SUPT6H: variants seen among roughly 807,000 people sequenced by gnomAD.
SUPT6H encodes transcription elongation factor SPT6.
SUPT6H carries 11 observed loss-of-function variants against 222.3 expected under a neutral mutation model. The observed-to-expected ratio is 0.05, with a 90% CI of 0.03 to 0.08. The LOEUF is 0.08. Ranked by LOEUF, SUPT6H falls within the 10% of genes least tolerant of loss-of-function variation. SUPT6H has a pLI of 1.00. For synonymous variants in SUPT6H, 762 were observed against 801.2 expected, an observed-to-expected ratio of 0.95 and a Z score of 0.83; for missense variants, 1,422 against 2,216.0, an observed-to-expected ratio of 0.64 and a Z score of 7.19.
chr17:28,687,119 G>A lies in SUPT6H; in HGVS notation c.2732G>A (p.Arg911Lys). 3 of 1,613,812 alleles carry A rather than the reference G, an allele frequency of 1.9e-6. No homozygotes were observed. Among genetic ancestry groups the A allele is most frequent in the Non-Finnish European group, 2.5e-6 (3 of 1,180,026 alleles). Residue 911 changes from arginine (R) to lysine (K), a missense_variant, in exon 22 of 37, where the codon AGA becomes AAA. Arg to Lys is a conservative substitution (Grantham distance 26). Coordinates refer to ENST00000314616, the MANE Select transcript of SUPT6H (RefSeq NM_003170.5). ...AEFRDYPPVL[R>K]QAVSLARRIQ... ...TTCCGGGATTATCCTCCAGTGCTGA[G>A]ACAGGCCGTCTCCCTGGCCCGGCGC...
chr17:28,666,391 G>A (rs1285179714), intron 1 of SUPT6H, among the ~76,000 whole-genome samples: 2 of 152,188 alleles, frequency 1.3e-5, no homozygotes, highest in Non-Finnish European at 2.9e-5. Flanking sequence ...CTGTGCTAGA[G>A]CAGGAACTAT....
intron 32 of SUPT6H, among the ~76,000 whole-genome samples, chr17:28,699,162 C>T (rs905540729): frequency 6.6e-6 from 1 of 152,168 alleles, no homozygotes; most frequent in Non-Finnish European, 1.5e-5. Context: ...CATTGTGGAA[C>T]GTGCTCTGTG....
intron 5 of SUPT6H, 97 bp from the exon 6 acceptor site, chr17:28,675,304 C>A: frequency 6.7e-7 from 1 of 1,492,472 alleles, no homozygotes; most frequent in Non-Finnish European, 9.3e-7. Flanking sequence ...CTTCCCTTCT[C>A]TGTTGCTCAC....
Position 28,689,241 on chromosome 17 carries a change from CCA to C in SUPT6H, c.3135-112_3135-111del. The stretch of plus-strand genomic sequence containing the variant: ...TTCTTGTTAATGGCTGTATAGTATT[CCA>C]TTGTATGGAGGTGCCCTAATTTATT... On this transcript the variant is annotated intron_variant, in intron 24 of 36. Transcript: ENST00000314616. The C allele has an allele frequency of 4.4e-6, 4 of 905,116 alleles. No individual in the cohort carries two copies. In the South Asian group the frequency reaches 6.3e-5, roughly 14 times the overall value. 56.1% of individuals were successfully genotyped at this position (905,116 alleles called of 1,614,324 possible). A position where few individuals can be genotyped will look rare whatever the true frequency, so the allele number is the denominator to read the frequency against.
At chr17:28,675,613 A>T in intron 6 of SUPT6H, 128 bp downstream of exon 6, 1 of 897,346 alleles carries the variant, frequency 1.1e-6, no homozygotes, top group South Asian at 1.5e-5. Context: ...CCCTGCCTCA[A>T]ATAACCTCTA....
In SUPT6H at chr17:28,693,809, G is replaced by C. The variant is rs899023160; in HGVS notation, c.3747G>C (p.Val1249=). 1 of 1,614,174 alleles carries C rather than the reference G, an allele frequency of 6.2e-7. No individual in the cohort carries two copies. The highest frequency in any genetic ancestry group is 8.5e-7 in the Non-Finnish European group (1 of 1,180,022). Residue 1249 remains valine (V), a synonymous_variant, in exon 28 of 37, where the codon GTG becomes GTC. Transcript: ENST00000314616. ...CCACCAAATTCCTCAGTGACAAAGTGGTAAAGCGGCCAGAAGAACGAGTGA... is the reference window on the plus strand; with the variant it reads ...CCACCAAATTCCTCAGTGACAAAGTCGTAAAGCGGCCAGAAGAACGAGTGA... ...FIPTKFLSDK[V]VKRPEERVKV...
intron 20 of SUPT6H, 44 bp downstream of exon 20, chr17:28,686,459 A>G (rs762929529): frequency 1.3e-6 from 2 of 1,597,532 alleles, no homozygotes; most frequent in African/African-American, 1.3e-5. Context: ...CCGTGACCCA[A>G]CTCATCCCTT....
Position 28,697,051 on chromosome 17 carries a change from G to C in SUPT6H, c.4178G>C (p.Ser1393Thr). The C allele has an allele frequency of 6.2e-7, 1 of 1,614,056 alleles. No individual in the cohort carries two copies. The highest frequency in any genetic ancestry group is 1.7e-5 in the Admixed American group (1 of 60,008). ...GAGGAGGGCAAGGAAAATGCCTTCA[G>C]CCTGGGAGCCACTCTGTGGATCAAC... The part of the protein sequence containing the change: ...VREEGKENAF[S>T]LGATLWINSE... Residue 1393 changes from serine (S) to threonine (T), a missense_variant, in exon 30 of 37, where the codon AGC becomes ACC. Ser to Thr is a moderately conservative substitution (Grantham distance 58, BLOSUM62 1). Coordinates refer to ENST00000314616, the MANE Select transcript of SUPT6H (RefSeq NM_003170.5).
intron 12 of SUPT6H, 84 bp from the exon 13 acceptor site, chr17:28,681,798 C>CT: frequency 8.0e-7 from 1 of 1,246,528 alleles, no homozygotes; most frequent in Non-Finnish European, 1.1e-6. Flanking sequence ...GCTGGGTACC[C>CT]TTTGAGGCTT....
chr17:28,693,134 C>T (rs2151654718), intron 27 of SUPT6H, among the ~76,000 whole-genome samples: 1 of 152,140 alleles, frequency 6.6e-6, no homozygotes, highest in African/African-American at 2.4e-5. Context: ...TGCACCACTA[C>T]ACTTCAGCCT....
intron 19 of SUPT6H, 104 bp from the exon 20 acceptor site, chr17:28,686,235 C>A (rs1178779292): frequency 9.5e-7 from 1 of 1,057,474 alleles, no homozygotes; most frequent in African/African-American, 1.6e-5. Flanking sequence ...CAGATATCTT[C>A]TGAAGACTTC....
At chr17:28,682,249 T>C in intron 13 of SUPT6H, 1 of 401,442 alleles carries the variant, frequency 2.5e-6, no homozygotes, top group Non-Finnish European at 4.5e-6. Context: ...TCTTCTGCCT[T>C]ATAACAGCCC....
chr17:28,673,522 C>T lies in SUPT6H; in HGVS notation c.109+12C>T. 2 of 1,585,688 alleles carry T rather than the reference C, an allele frequency of 1.3e-6. No homozygotes were observed. Among genetic ancestry groups the T allele is most frequent in the South Asian group, 2.2e-5 (2 of 90,278 alleles). On this transcript the variant is annotated intron_variant, in intron 2 of 36. Coordinates refer to ENST00000314616, the MANE Select transcript of SUPT6H (RefSeq NM_003170.5). ...AGAGGAGGATGATGGTGAGGAGGCC[C>T]CAGCCTCAAGCTTCTCCCCACTATT...
chr17:28,666,112 C>T (rs1033432779), intron 1 of SUPT6H, among the ~76,000 whole-genome samples: 2 of 152,186 alleles, frequency 1.3e-5, no homozygotes, highest in African/African-American at 4.8e-5. Context: ...GACATCACTC[C>T]CCAAACCATC....
Position 28,695,175 on chromosome 17 carries a change from C to G in SUPT6H, c.3775-177C>G, listed in dbSNP as rs959312635. 5 of 634,986 alleles carry G rather than the reference C, an allele frequency of 7.9e-6. No homozygotes were observed. In the Admixed American group the frequency reaches 1.2e-4, roughly 15 times the overall value. 39.3% of individuals were successfully genotyped at this position (634,986 alleles called of 1,614,324 possible). A position where few individuals can be genotyped will look rare whatever the true frequency, so the allele number is the denominator to read the frequency against. On this transcript the variant is annotated intron_variant, in intron 28 of 36. Coordinates refer to ENST00000314616, the MANE Select transcript of SUPT6H (RefSeq NM_003170.5). ...ATTAGTGCAGGGCTTGGCCTGTAGT[C>G]TACAGACAAGATTCCACCCCAAACT... is the stretch of plus-strand genomic sequence containing the variant.
rs940049508 is a variant in SUPT6H, at chr17:28,701,845, C to G, written c.*220C>G. ...TCCCGCTCCAGACCCTCACCGACCA[C>G]CTGTCCTGGGACCAGGCTGGGAGGG... On this transcript the variant is annotated 3_prime_UTR_variant, in exon 37 of 37. Coordinates refer to ENST00000314616, the MANE Select transcript of SUPT6H (RefSeq NM_003170.5). 2.0e-5 allele frequency: 11 copies of G among 544,114 alleles called. No individual in the cohort carries two copies. The highest frequency in any genetic ancestry group is 3.6e-5 in the Non-Finnish European group (11 of 308,602). 33.7% of individuals were successfully genotyped at this position (544,114 alleles called of 1,614,324 possible).
intron 35 of SUPT6H, 152 bp from the exon 36 acceptor site, chr17:28,700,789 C>T: frequency 9.5e-7 from 1 of 1,048,514 alleles, no homozygotes; most frequent in Non-Finnish European, 1.4e-6. Flanking sequence ...CGGTGCTGAC[C>T]TGCAGGCTTC....
chr17:28,691,033 T>C lies in SUPT6H; in HGVS notation c.3603T>C (p.Cys1201=), dbSNP rs1458244318. 2 of 1,613,932 alleles carry C rather than the reference T, an allele frequency of 1.2e-6. No individual in the cohort carries two copies. Among genetic ancestry groups the C allele is most frequent in the East Asian group, 2.2e-5 (1 of 44,864 alleles). Reference sequence around the variant, plus strand: ...CAGGGCTGTGGCAGTGCCCCTTCTGTCAGCAGGACAATTTCCCTGAACTAA... The same window carrying C: ...CAGGGCTGTGGCAGTGCCCCTTCTGCCAGCAGGACAATTTCCCTGAACTAA... ...DETGLWQCPF[C]QQDNFPELSE... The change falls in exon 27 of 37, where the codon TGT becomes TGC. Residue 1201 remains cysteine, a synonymous_variant. Coordinates refer to ENST00000314616, the MANE Select transcript of SUPT6H (RefSeq NM_003170.5).
rs767163319 is a variant in SUPT6H at position 28,674,610 on chromosome 17, A to G, written c.342A>G (p.Arg114=). Residue 114 remains arginine, a synonymous_variant, in exon 4 of 37, where the codon AGA becomes AGG. Transcript: ENST00000314616. ...AGAATTTGGGTGTCAAAGTCAAAAG[A>G]GGAGTAAGTGTCATTCTTTGTCTTT... ...IEENLGVKVK[R]GQKYRRVKKM... 1.2e-6 allele frequency: 2 copies of G among 1,613,982 alleles called. No homozygotes were observed. The highest frequency in any genetic ancestry group is 1.7e-6 in the Non-Finnish European group (2 of 1,179,856).
Sources: gnomAD v4.1 joint callset for allele counts (sites outside exome capture counted in the v4.1 genomes callset) on GRCh38, gnomAD v4.1.1 for gene constraint, MANE v1.5 for transcripts, NCBI Gene and HGNC (gene_info 2026-07-23, HGNC 2026-07-21) for gene names.